Variants in PRDM16 observed in about 807,000 individuals in gnomAD.
PRDM16 encodes the protein histone-lysine N-methyltransferase PRDM16.
PRDM16 carries 23 observed loss-of-function variants against 110.6 expected under a neutral mutation model. The observed-to-expected ratio is 0.21, with a 90% CI of 0.15 to 0.29. The LOEUF (loss-of-function observed/expected upper bound fraction) is 0.29, where lower values mean the gene tolerates loss of function less well. PRDM16 is among the 10% of genes least tolerant of loss of function. The pLI is 1.00. For missense variants in PRDM16, 1,615 were observed against 1,794.3 expected (o/e 0.90, Z 1.81); for synonymous variants, 799 against 781.8 (o/e 1.02, Z -0.37).
At chr1:3,166,874 T>C (rs1400746754) in intron 1 of PRDM16, among the ~76,000 whole-genome samples, 3 of 152,200 alleles carry the variant, frequency 2.0e-5, no homozygotes, top group Non-Finnish European at 4.4e-5. Flanking sequence ...GTTCAATTGC[T>C]CTGTCCTCAC....
intron 1 of PRDM16, among the ~76,000 whole-genome samples, chr1:3,139,948 C>T (rs1248651482): frequency 1.3e-5 from 2 of 152,250 alleles, no homozygotes; most frequent in South Asian, 4.1e-4. Context: ...CCCTGACAGC[C>T]CACTCTTAAT....
rs1570002811 is a variant in PRDM16, at chr1:3,290,018, C to T, written c.438+45881C>T. 6.6e-6 allele frequency among the ~76,000 whole-genome samples: 1 copy of T among 151,530 alleles called. No individual in the cohort carries two copies. The highest frequency in any genetic ancestry group is 2.4e-5 in the African/African-American group (1 of 41,534). ...AGGACCCCACTCCTGCCTGGGGCTGCCCCTGCTGCTGTGCCTCCCCTGGTG... is the reference window on the plus strand; with the variant it reads ...AGGACCCCACTCCTGCCTGGGGCTGTCCCTGCTGCTGTGCCTCCCCTGGTG... On this transcript the variant is annotated intron_variant, in intron 3 of 16. Coordinates refer to ENST00000270722, the MANE Select transcript of PRDM16 (RefSeq NM_022114.4). The surrounding 1 kb of genome is among the most constrained non-coding windows in gnomAD (Gnocchi z 4.8).
At chr1:3,128,541 G>C (rs954399392) in intron 1 of PRDM16, among the ~76,000 whole-genome samples, 1 of 152,178 alleles carries the variant, frequency 6.6e-6, no homozygotes, top group Non-Finnish European at 1.5e-5. Flanking sequence ...TCCCACAATG[G>C]TGACCTGCAG....
rs527451435 is a variant in PRDM16, at chr1:3,425,898, G to A, written c.3109+148G>A. ...GAAGCCAACAGGCACCCCTCAAACC[G>A]TGGTCATTAAAGAGAACCTCGTGCT... On this transcript the variant is annotated intron_variant, in intron 13 of 16. Transcript: ENST00000270722. The surrounding 1 kb of genome is among the most constrained non-coding windows in gnomAD (Gnocchi z 6.9). The A allele has an allele frequency of 1.4e-5, 17 of 1,258,058 alleles. No individual in the cohort carries two copies. The highest frequency in any genetic ancestry group is 2.7e-4 in the Middle Eastern group (1 of 3,642). The allele number at this position is 1,258,058 out of a possible 1,614,324, so 77.9% of individuals were successfully genotyped here. A position where few individuals can be genotyped will look rare whatever the true frequency, so the allele number is the denominator to read the frequency against.
intron 2 of PRDM16, among the ~76,000 whole-genome samples, chr1:3,191,172 C>G (rs1638300879): frequency 6.6e-6 from 1 of 152,214 alleles, no homozygotes; most frequent in Non-Finnish European, 1.5e-5. Flanking sequence ...GCTGAAGAGG[C>G]CAGGTGAAAA....
intron 1 of PRDM16, among the ~76,000 whole-genome samples, chr1:3,161,695 G>A (rs979951468): frequency 3.3e-5 from 5 of 152,322 alleles, no homozygotes; most frequent in South Asian, 2.1e-4. Flanking sequence ...CAGCAGGCCC[G>A]GCCGCGGGAG....
intron 1 of PRDM16, among the ~76,000 whole-genome samples, chr1:3,092,180 C>A (rs1642294077): frequency 6.6e-6 from 1 of 152,172 alleles, no homozygotes; most frequent in South Asian, 2.1e-4. Context: ...CACGACTGTG[C>A]CTGGGGCCCC....
At chr1:3,155,311 G>A (rs1160467972) in intron 1 of PRDM16, among the ~76,000 whole-genome samples, 1 of 152,246 alleles carries the variant, frequency 6.6e-6, no homozygotes, top group Non-Finnish European at 1.5e-5. Flanking sequence ...ATAGGGGAAA[G>A]AAAATCCAGG....
rs999685090 is a variant in PRDM16, at chr1:3,431,047, G to A, written c.3460G>A (p.Glu1154Lys). Residue 1154 changes from glutamate (E) to lysine (K), a missense_variant, in exon 15 of 17, where the codon GAG becomes AAG. Coordinates refer to ENST00000270722, the MANE Select transcript of PRDM16 (RefSeq NM_022114.4). ...CGCACCCGAGCCCCAGGCCGCCTAC[G>A]AGGATGAGGAGGATGAGGAGCCAGC... ...SPAPEPQAAY[E>K]DEEDEEPAAS... is the part of the protein sequence containing the mutation. 5.8e-6 allele frequency: 9 copies of A among 1,555,926 alleles called. No homozygotes were observed. The highest frequency in any genetic ancestry group is 2.7e-5 in the African/African-American group (2 of 73,374).
rs187354393 is a variant in PRDM16, at chr1:3,383,184, C to T, written c.439-1968C>T. Among the ~76,000 whole-genome samples, 516 of 152,316 alleles carry T rather than the reference C, an allele frequency of 3.4e-3. 2 individuals are homozygous for T. The highest frequency in any genetic ancestry group is 6.8e-3 in the Middle Eastern group (2 of 294). On this transcript the variant is annotated intron_variant, in intron 3 of 16. Coordinates refer to ENST00000270722, the MANE Select transcript of PRDM16 (RefSeq NM_022114.4). ...AGCTTGGGAGCATTTCTGCCGCTGC[C>T]GTCTCTGAAATAAGACAGGCTTTGA...
At chr1:3,185,862 C>T (rs551615194) in intron 1 of PRDM16, among the ~76,000 whole-genome samples, 1 of 152,314 alleles carries the variant, frequency 6.6e-6, no homozygotes, top group African/African-American at 2.4e-5. Flanking sequence ...CAGGGTGTGT[C>T]GGGCTGTGCC....
chr1:3,189,059 G>A (rs1192667275), intron 2 of PRDM16, among the ~76,000 whole-genome samples: 1 of 152,196 alleles, frequency 6.6e-6, no homozygotes, highest in Non-Finnish European at 1.5e-5. Flanking sequence ...CCCGGAGGGA[G>A]AAGTGACTTG....
rs1225296935 is a variant in PRDM16 at position 3,181,716 on chromosome 1, GCA to G, written c.38-4408_38-4407del. On this transcript the variant is annotated intron_variant, in intron 1 of 16. Coordinates refer to ENST00000270722, the MANE Select transcript of PRDM16 (RefSeq NM_022114.4). Reference sequence around the variant, plus strand: ...CGGTCTTACACACGGTCTTACACACGCAGTCTTACACACGGTCTTACACACGG... The same window carrying G: ...CGGTCTTACACACGGTCTTACACACGGTCTTACACACGGTCTTACACACGG... 1.9e-3 allele frequency among the ~76,000 whole-genome samples: 203 copies of G among 109,110 alleles called. 9 individuals carry two copies. The highest frequency in any genetic ancestry group is 7.0e-3 in the African/African-American group (181 of 26,010). 71.6% of individuals were successfully genotyped at this position (109,110 alleles called of 152,430 possible).
At chr1:3,394,951 C>T (rs1259637530) in intron 4 of PRDM16, among the ~76,000 whole-genome samples, 2 of 152,034 alleles carry the variant, frequency 1.3e-5, no homozygotes, top group African/African-American at 4.8e-5. Context: ...TTTTACATCT[C>T]CTCATAATTT....
chr1:3,295,473 G>A (rs1027626303), intron 3 of PRDM16, among the ~76,000 whole-genome samples: 7 of 152,150 alleles, frequency 4.6e-5, no homozygotes. Context: ...AAACCTCCAG[G>A]AGCACCAGCG....
At chr1:3,392,308 G>T (rs1466549111) in intron 4 of PRDM16, among the ~76,000 whole-genome samples, 1 of 152,198 alleles carries the variant, frequency 6.6e-6, no homozygotes, top group Non-Finnish European at 1.5e-5. Context: ...GTAAGCACAC[G>T]GAAGGAGGGT....
intron 2 of PRDM16, among the ~76,000 whole-genome samples, chr1:3,221,059 GA>G (rs978019343): frequency 1.3e-5 from 2 of 152,372 alleles, no homozygotes; most frequent in East Asian, 3.9e-4. Context: ...GTGAGGTGGA[GA>G]GGGGGGACGG....
intron 5 of PRDM16, among the ~76,000 whole-genome samples, chr1:3,401,851 A>G (rs1569689768): frequency 7.1e-6 from 1 of 140,924 alleles, no homozygotes; most frequent in Non-Finnish European, 1.5e-5. Flanking sequence ...CAAACCACAC[A>G]TGTGCAAGTA....
intron 1 of PRDM16, among the ~76,000 whole-genome samples, chr1:3,131,178 C>T (rs2817179): frequency 0.32 from 49,109 of 151,926 alleles, 8,300 homozygotes; most frequent in African/African-American, 0.41. Flanking sequence ...TGATCCATAT[C>T]AAATACTTAA....
Sources: gnomAD v4.1 joint callset for allele counts (sites outside exome capture counted in the v4.1 genomes callset) on GRCh38, gnomAD v4.1.1 for gene constraint, Gnocchi (gnomAD v3.1) non-coding constraint, MANE v1.5 for transcripts, NCBI Gene and HGNC (gene_info 2026-07-23, HGNC 2026-07-21) for gene names.